The following MEGF10 variants were observed in gnomAD, a reference collection of about 807,000 sequenced individuals.
MEGF10 encodes the protein multiple EGF like domains 10, also known as multiple epidermal growth factor-like domains protein 10.
In MEGF10, 86 loss-of-function variants were observed where a neutral mutation model predicts 147.5. The observed-to-expected ratio is 0.58, with a 90% CI of 0.49 to 0.70. MEGF10 has a LOEUF of 0.70. Among genes scored for constraint, MEGF10 ranks in the 30% least tolerant of loss-of-function variants. The probability of loss-of-function intolerance (pLI) is 0.00; values close to 1 mark genes in which losing one functional copy is unlikely to be tolerated. For missense variants in MEGF10, 1,329 were observed against 1,487.3 expected, an observed-to-expected ratio of 0.89 and a Z score of 1.75; for synonymous variants, 478 against 525.5, an observed-to-expected ratio of 0.91 and a Z score of 1.24.
At chr5:127,260,398 G>C in the MEGF10 span, among the ~76,000 whole-genome samples, 1 of 152,072 alleles carries the variant, frequency 6.6e-6, no homozygotes, top group African/African-American at 2.4e-5. Flanking sequence ...TTTATATCTG[G>C]TTGGTTTCTC....
chr5:127,269,330 A>G, the MEGF10 span, among the ~76,000 whole-genome samples: 36 of 152,220 alleles, frequency 2.4e-4, no homozygotes, highest in Admixed American at 2.4e-3. Context: ...AAAGAAGTTA[A>G]AAACCTCGAA....
At chr5:127,429,956 T>A (rs1464720253) in intron 13 of MEGF10, among the ~76,000 whole-genome samples, 7 of 152,326 alleles carry the variant, frequency 4.6e-5, no homozygotes, top group East Asian at 3.9e-4. Flanking sequence ...TGGCCACTGC[T>A]TGGCTGCCCA....
At chr5:127,330,280 C>T (rs974297236) in intron 1 of MEGF10, among the ~76,000 whole-genome samples, 1 of 152,164 alleles carries the variant, frequency 6.6e-6, no homozygotes, top group African/African-American at 2.4e-5. Flanking sequence ...CAGCTAGAGT[C>T]ATTCTTCTAA....
the MEGF10 span, among the ~76,000 whole-genome samples, chr5:127,255,851 G>A: frequency 1.3e-5 from 2 of 152,150 alleles, no homozygotes; most frequent in African/African-American, 2.4e-5. Context: ...TGATGTTGGA[G>A]CTCCCATTTG....
At position 127,422,055 on chromosome 5, in the gene MEGF10, T is replaced by C. The variant is rs1033963455; in HGVS notation, c.1591-615T>C. The stretch of plus-strand genomic sequence containing the variant: ...AGCTCTAAAATTATAGTTTTAAAAC[T>C]ATAATTTTATAATTTAAAAAATTTT... On this transcript the variant is annotated intron_variant, in intron 12 of 24. Transcript: ENST00000503335. 4.0e-5 allele frequency among the ~76,000 whole-genome samples: 6 copies of C among 149,964 alleles called. No homozygotes were observed. The East Asian group carries it at 1.2e-3, about 29-fold the overall frequency.
chr5:127,247,395 GAA>G, the MEGF10 span, among the ~76,000 whole-genome samples: 4 of 41,872 alleles, frequency 9.6e-5, no homozygotes, highest in Non-Finnish European at 1.9e-4. Context: ...AGAAGAAGAA[GAA>G]GAAGAAGAAG....
chr5:127,396,471 G>A, intron 5 of MEGF10, 61 bp from the exon 6 acceptor site: 2 of 1,479,948 alleles, frequency 1.4e-6, no homozygotes, highest in African/African-American at 1.4e-5. Context: ...CTCCCCGAGA[G>A]GCGAAGAAAT....
chr5:127,266,044 A>G, the MEGF10 span, among the ~76,000 whole-genome samples: 2 of 151,908 alleles, frequency 1.3e-5, no homozygotes, highest in African/African-American at 4.8e-5. Context: ...TAGGTTTTTT[A>G]TGGTTTTAGG....
chr5:127,368,065 C>T (rs1387356365), intron 4 of MEGF10, among the ~76,000 whole-genome samples: 2 of 152,156 alleles, frequency 1.3e-5, no homozygotes, highest in African/African-American at 4.8e-5. Flanking sequence ...GTACCTTGTG[C>T]TTACAAATGA....
At chr5:127,437,472 T>G (rs985138205) in intron 16 of MEGF10, among the ~76,000 whole-genome samples, 3 of 152,248 alleles carry the variant, frequency 2.0e-5, no homozygotes, top group Non-Finnish European at 4.4e-5. Flanking sequence ...TCATATGTAT[T>G]ATTGATTGTC....
intron 7 of MEGF10, 47 bp from the exon 8 acceptor site, chr5:127,402,499 T>C (rs1764170518): frequency 6.3e-7 from 1 of 1,589,102 alleles, no homozygotes; most frequent in Admixed American, 1.7e-5. Flanking sequence ...CAGTTGTCTT[T>C]CCCTGGCTGG....
intron 7 of MEGF10, 129 bp from the exon 8 acceptor site, chr5:127,402,417 T>C: frequency 1.0e-6 from 1 of 980,730 alleles, no homozygotes. Flanking sequence ...TCTAAAATTC[T>C]CTAATCTAAT....
At chr5:127,396,003 C>T (rs1763896872) in intron 5 of MEGF10, among the ~76,000 whole-genome samples, 1 of 152,132 alleles carries the variant, frequency 6.6e-6, no homozygotes, top group Admixed American at 6.5e-5. Context: ...TGCCATTTTT[C>T]CTGCTCCATC....
At chr5:127,271,034 G>T in the MEGF10 span, among the ~76,000 whole-genome samples, 2 of 152,150 alleles carry the variant, frequency 1.3e-5, no homozygotes, top group African/African-American at 2.4e-5. Context: ...ATATGTGCAC[G>T]TGTCTTTATA....
intron 4 of MEGF10, among the ~76,000 whole-genome samples, chr5:127,365,562 G>A (rs1762621715): frequency 6.6e-6 from 1 of 152,192 alleles, no homozygotes; most frequent in Non-Finnish European, 1.5e-5. Context: ...CAGGCAGACA[G>A]ACTGTCCACA....
intron 4 of MEGF10, among the ~76,000 whole-genome samples, chr5:127,347,090 A>G (rs561258583): frequency 6.6e-6 from 1 of 152,218 alleles, no homozygotes; most frequent in South Asian, 2.1e-4. Context: ...AAATATTTTC[A>G]GATTTTGGAG....
At chr5:127,411,290 A>G (rs964687606) in intron 9 of MEGF10, among the ~76,000 whole-genome samples, 2 of 152,226 alleles carry the variant, frequency 1.3e-5, no homozygotes, top group African/African-American at 2.4e-5. Flanking sequence ...CCAGATACAC[A>G]TAACTTAGAA....
chr5:127,433,046 T>C (rs973355824), intron 13 of MEGF10, among the ~76,000 whole-genome samples: 5 of 152,232 alleles, frequency 3.3e-5, no homozygotes, highest in African/African-American at 9.6e-5. Context: ...GGCTAAAAGA[T>C]ATCGTATTGT....
intron 24 of MEGF10, among the ~76,000 whole-genome samples, chr5:127,456,765 C>T (rs966365212): frequency 5.3e-5 from 8 of 152,142 alleles, no homozygotes; most frequent in Non-Finnish European, 1.0e-4. Context: ...TTTTCATGAA[C>T]TGAATTAACG....
Sources: allele counts gnomAD v4.1 joint callset (sites outside exome capture counted in the v4.1 genomes callset), GRCh38; gene constraint gnomAD v4.1.1; transcripts MANE v1.5; gene names NCBI Gene and HGNC (gene_info 2026-07-23, HGNC 2026-07-21).